The following OCA2 variants were observed in gnomAD, a reference collection of about 807,000 sequenced individuals.
The protein encoded by OCA2 is OCA2 melanosomal transmembrane protein, also known as P protein.
OCA2 carries 77 observed loss-of-function variants against 100.2 expected under a neutral mutation model. The ratio of observed to expected loss-of-function variants is 0.77; its 90% CI spans 0.64 to 0.93. The LOEUF (loss-of-function observed/expected upper bound fraction) is 0.93, where lower values mean the gene tolerates loss of function less well. OCA2 is among the 40% of genes least tolerant of loss of function. The pLI is 0.00. For missense variants in OCA2, 1,062 were observed against 1,089.1 expected (o/e 0.98, Z 0.35); for synonymous variants, 432 against 439.2 (o/e 0.98, Z 0.21).
At chr15:28,008,345 A>C (rs1372593546) in intron 9 of OCA2, among the ~76,000 whole-genome samples, 1 of 152,252 alleles carries the variant, frequency 6.6e-6, no homozygotes, top group African/African-American at 2.4e-5. Flanking sequence ...TTTAGCCTAA[A>C]TACTTGTCCT....
intron 18 of OCA2, among the ~76,000 whole-genome samples, chr15:27,949,890 T>C (rs543260154): frequency 6.6e-5 from 10 of 152,268 alleles, no homozygotes; most frequent in African/African-American, 2.4e-4. Context: ...TCTTGATAAA[T>C]ATGCAGTATC....
intron 19 of OCA2, among the ~76,000 whole-genome samples, chr15:27,900,397 T>A (rs1250352517): frequency 6.6e-6 from 1 of 152,154 alleles, no homozygotes; most frequent in Non-Finnish European, 1.5e-5. Context: ...GCCTCCCTAG[T>A]GCTGGTCTTT....
Position 28,096,723 on chromosome 15 carries a change from C to G in OCA2, c.-22+2501G>C, listed in dbSNP as rs1038205008. Among the ~76,000 whole-genome samples the G allele has an allele frequency of 3.3e-5, 5 of 152,176 alleles. No individual in the cohort carries two copies. In the South Asian group the frequency reaches 6.2e-4, roughly 19 times the overall value. ...AAGCCAAACATCGTGGCTTTCCATC[C>G]GTTTTCTGTTCTTGTTTGAAAGAGT... is the stretch of plus-strand genomic sequence containing the variant. On this transcript the variant is annotated intron_variant, in intron 1 of 23. Coordinates refer to ENST00000354638, the MANE Select transcript of OCA2 (RefSeq NM_000275.3).
rs1394995184 is a variant in OCA2, at chr15:27,947,161, G to C, written c.1951+4623C>G. 2.0e-5 allele frequency among the ~76,000 whole-genome samples: 3 copies of C among 152,230 alleles called. No homozygotes were observed. In the East Asian group the frequency reaches 5.8e-4, roughly 29 times the overall value. ...ATTCTGAAGGCTCCTGTGTACACATGTTAAATGAATGTGTTTGCCTTTTCT... is the reference window on the plus strand; with the variant it reads ...ATTCTGAAGGCTCCTGTGTACACATCTTAAATGAATGTGTTTGCCTTTTCT... On this transcript the variant is annotated intron_variant, in intron 18 of 23. Coordinates refer to ENST00000354638, the MANE Select transcript of OCA2 (RefSeq NM_000275.3).
At chr15:27,843,101 C>A (rs1369229738) in intron 23 of OCA2, among the ~76,000 whole-genome samples, 5 of 152,148 alleles carry the variant, frequency 3.3e-5, no homozygotes, top group Admixed American at 1.3e-4. Context: ...GTGAGACCAA[C>A]TGGTGTTGCA....
At chr15:27,722,780 T>TTCTTTCTCTCTCTCTCTCTC in the OCA2 span, among the ~76,000 whole-genome samples, 2 of 134,312 alleles carry the variant, frequency 1.5e-5, no homozygotes, top group South Asian at 2.5e-4. Context: ...TTTTCTTTCT[T>TTCTTTCTCTCTCTCTCTCTC]TCTCTCTCTC....
chr15:27,795,168 G>T (rs1303101891), intron 23 of OCA2, among the ~76,000 whole-genome samples: 9 of 152,176 alleles, frequency 5.9e-5, no homozygotes, highest in Non-Finnish European at 5.9e-5. Flanking sequence ...TTCAATCTGG[G>T]TGAAAAGAGT....
At position 27,994,556 on chromosome 15, in the gene OCA2, C is replaced by A. The variant is rs1168668925; in HGVS notation, c.1045-3909G>T. On this transcript the variant is annotated intron_variant, in intron 9 of 23. Transcript: ENST00000354638. ...ACCCAGCCACCGTTCTATCACTGCA[C>A]TCCTCTCTGGTCGAGCCGACACTCT... Among the ~76,000 whole-genome samples the A allele has an allele frequency of 2.0e-5, 3 of 152,232 alleles. No individual in the cohort carries two copies. In the South Asian group the frequency reaches 6.2e-4, roughly 32 times the overall value.
At chr15:27,925,154 C>A (rs1194836750) in intron 19 of OCA2, among the ~76,000 whole-genome samples, 3 of 152,142 alleles carry the variant, frequency 2.0e-5, no homozygotes, top group African/African-American at 4.8e-5. Flanking sequence ...GACTGCAATA[C>A]CCCACTCTCA....
chr15:27,943,266 C>T (rs1439148064), intron 18 of OCA2, among the ~76,000 whole-genome samples: 1 of 152,182 alleles, frequency 6.6e-6, no homozygotes, highest in East Asian at 1.9e-4. Flanking sequence ...AATTCAGACA[C>T]AACTCACCAG....
At chr15:27,745,895 T>C in the OCA2 span, among the ~76,000 whole-genome samples, 1 of 152,230 alleles carries the variant, frequency 6.6e-6, no homozygotes. Context: ...CAGAAAACCT[T>C]TGAATCCACC....
At chr15:27,913,799 A>G (rs1478838651) in intron 19 of OCA2, among the ~76,000 whole-genome samples, 1 of 121,608 alleles carries the variant, frequency 8.2e-6, no homozygotes, top group East Asian at 4.0e-4. Flanking sequence ...TAGCAGAGAC[A>G]CAACAAAAAA....
At chr15:27,791,014 C>T (rs1327148368) in intron 23 of OCA2, among the ~76,000 whole-genome samples, 1 of 152,004 alleles carries the variant, frequency 6.6e-6, no homozygotes, top group Non-Finnish European at 1.5e-5. Context: ...GTCTCAAACT[C>T]CTGGTCTCAA....
chr15:27,862,403 C>T (rs2036169569), intron 21 of OCA2, among the ~76,000 whole-genome samples: 1 of 152,000 alleles, frequency 6.6e-6, no homozygotes, highest in South Asian at 2.1e-4. Flanking sequence ...GCACAGTGCA[C>T]AGCACCCATA....
At chr15:27,867,223 A>G (rs982880856) in intron 21 of OCA2, among the ~76,000 whole-genome samples, 9 of 152,212 alleles carry the variant, frequency 5.9e-5, no homozygotes, top group African/African-American at 1.7e-4. Context: ...CCACTAAAGG[A>G]CTAGGAATAA....
intron 23 of OCA2, among the ~76,000 whole-genome samples, chr15:27,819,082 A>G (rs1367372759): frequency 6.6e-6 from 1 of 152,192 alleles, no homozygotes; most frequent in African/African-American, 2.4e-5. Context: ...CTACTGAAAT[A>G]CTTTTGTAAA....
intron 3 of OCA2, 142 bp from the exon 4 acceptor site, chr15:28,028,201 T>A: frequency 1.0e-6 from 1 of 962,316 alleles, no homozygotes; most frequent in Non-Finnish European, 1.6e-6. Context: ...TGCACTCTCA[T>A]ACTGGTGGGA....
chr15:27,909,758 T>G (rs2038315430), intron 19 of OCA2, among the ~76,000 whole-genome samples: 1 of 152,154 alleles, frequency 6.6e-6, no homozygotes, highest in South Asian at 2.1e-4. Context: ...AAAACCCAAA[T>G]GTATTAGAGA....
intron 18 of OCA2, among the ~76,000 whole-genome samples, chr15:27,944,842 A>G (rs2039776587): frequency 6.6e-6 from 1 of 152,194 alleles, no homozygotes; most frequent in South Asian, 2.1e-4. Flanking sequence ...CAGGTCCTAC[A>G]TGGGTAAAAC....
Sources: gnomAD v4.1 joint callset for allele counts (sites outside exome capture counted in the v4.1 genomes callset) on GRCh38, gnomAD v4.1.1 for gene constraint, MANE v1.5 for transcripts, NCBI Gene and HGNC (gene_info 2026-07-23, HGNC 2026-07-21) for gene names.